DAB2IP: variants seen among roughly 807,000 people sequenced by gnomAD.
DAB2IP encodes the protein DAB2 interacting protein.
A neutral mutation model predicts 107.2 loss-of-function variants in DAB2IP; 28 were observed. That is an observed-to-expected ratio of 0.26 (90% CI 0.19 to 0.36). The LOEUF is 0.36. Among genes scored for constraint, DAB2IP ranks in the 10% least tolerant of loss-of-function variants. DAB2IP has a pLI of 1.00. For synonymous variants in DAB2IP, 755 were observed against 706.4 expected (o/e 1.07, Z -1.09); for missense variants, 1,400 against 1,644.7 (o/e 0.85, Z 2.57).
chr9:121,658,169 C>T (rs1012215831), intron 1 of DAB2IP, among the ~76,000 whole-genome samples: 1 of 152,140 alleles, frequency 6.6e-6, no homozygotes, highest in African/African-American at 2.4e-5. Flanking sequence ...AGGCTGCATA[C>T]GTGTTTTGCT....
At chr9:121,780,570 G>A (rs1043700749) in intron 14 of DAB2IP, among the ~76,000 whole-genome samples, 1 of 152,186 alleles carries the variant, frequency 6.6e-6, no homozygotes, top group Admixed American at 6.5e-5. Context: ...GTGGAGCAAG[G>A]AGAAGGGAGG....
chr9:121,754,665 C>T (rs1396861021), intron 3 of DAB2IP, among the ~76,000 whole-genome samples: 1 of 152,158 alleles, frequency 6.6e-6, no homozygotes, highest in African/African-American at 2.4e-5. Flanking sequence ...GCTTGTGGGA[C>T]ATGGTGGGGA....
chr9:121,606,539 A>G (rs1830878542), intron 1 of DAB2IP, among the ~76,000 whole-genome samples: 1 of 152,188 alleles, frequency 6.6e-6, no homozygotes, highest in Non-Finnish European at 1.5e-5. Context: ...GATGCAGCTC[A>G]GGACTTCCCT....
At position 121,672,356 on chromosome 9, in the gene DAB2IP, C is replaced by T. The variant is rs1381022655; in HGVS notation, c.125-6322C>T. Among the ~76,000 whole-genome samples, 5 of 152,192 alleles carry T rather than the reference C, an allele frequency of 3.3e-5. No individual in the cohort carries two copies. In the East Asian group the frequency reaches 9.6e-4, roughly 29 times the overall value. On this transcript the variant is annotated intron_variant, in intron 1 of 15. Coordinates refer to ENST00000408936, the Ensembl canonical transcript of DAB2IP. ...TTAAGATCTGGGCGATGCAACCCGA[C>T]AACTGAAATTTGGTGTCTTGTCTGA...
chr9:121,779,698 A>G (rs1835454721), intron 14 of DAB2IP, among the ~76,000 whole-genome samples: 1 of 152,124 alleles, frequency 6.6e-6, no homozygotes, highest in Admixed American at 6.5e-5. Context: ...CACTGGTACA[A>G]CATGAACTGC....
chr9:121,580,119 C>G (rs759512860), intron 1 of DAB2IP, among the ~76,000 whole-genome samples: 4 of 152,172 alleles, frequency 2.6e-5, no homozygotes, highest in Non-Finnish European at 4.4e-5. Flanking sequence ...CCAGGTGACT[C>G]TAAGGGGCAG....
At position 121,662,441 on chromosome 9, in the gene DAB2IP, T is replaced by G. The variant is rs1169892040; in HGVS notation, c.124+10542T>G. Among the ~76,000 whole-genome samples, 3 of 152,230 alleles carry G rather than the reference T, an allele frequency of 2.0e-5. No homozygotes were observed. Among genetic ancestry groups the G allele is most frequent in the Non-Finnish European group, 2.9e-5 (2 of 68,040 alleles). On this transcript the variant is annotated intron_variant, in intron 1 of 15. Transcript: ENST00000408936. The surrounding 1 kb of genome is among the most constrained non-coding windows in gnomAD (Gnocchi z 4.6). ...AGAAGAAGGAGAACATAGGGAGTTATATGAAATTCAAATTTCAATGCCCAT... is the reference window on the plus strand; with the variant it reads ...AGAAGAAGGAGAACATAGGGAGTTAGATGAAATTCAAATTTCAATGCCCAT...
intron 1 of DAB2IP, among the ~76,000 whole-genome samples, chr9:121,571,504 T>C (rs527378943): frequency 6.6e-6 from 1 of 152,118 alleles, no homozygotes; most frequent in East Asian, 1.9e-4. Context: ...GTTGGCAAGC[T>C]GAGCTCCTTT....
At chr9:121,784,407 G>GC (rs528395593) in exon 16 of DAB2IP, 153 of 153,046 alleles carry the variant, frequency 1.0e-3, no homozygotes, top group South Asian at 6.0e-3. Flanking sequence ...CTCGGACAGA[G>GC]CCCCCCTAGC....
exon 9 of DAB2IP, chr9:121,766,679 G>GCACCCT: frequency 6.2e-7 from 1 of 1,614,052 alleles, no homozygotes. Context: ...CGCACTGCCC[G>GCACCCT]CACCCTCACC....
At chr9:121,720,344 G>A (rs1830852069) in intron 3 of DAB2IP, among the ~76,000 whole-genome samples, 1 of 152,202 alleles carries the variant, frequency 6.6e-6, no homozygotes, top group African/African-American at 2.4e-5. Context: ...CCCAGTAAAT[G>A]TTTGTACCAT....
chr9:121,720,195 C>T (rs368196942), intron 3 of DAB2IP, among the ~76,000 whole-genome samples: 4 of 152,302 alleles, frequency 2.6e-5, no homozygotes, highest in Non-Finnish European at 5.9e-5. Flanking sequence ...TGTAGCATTT[C>T]GGTCCTTACT....
chr9:121,570,895 C>T (rs1399838261), intron 1 of DAB2IP, among the ~76,000 whole-genome samples: 1 of 152,052 alleles, frequency 6.6e-6, no homozygotes, highest in Non-Finnish European at 1.5e-5. Flanking sequence ...TTATCTCTGG[C>T]TGGCCCCTTC....
intron 3 of DAB2IP, among the ~76,000 whole-genome samples, chr9:121,725,115 T>C (rs1831158413): frequency 6.6e-6 from 1 of 152,168 alleles, no homozygotes; most frequent in Admixed American, 6.5e-5. Flanking sequence ...AGCTCAGGCC[T>C]GGCCCGGCTT....
chr9:121,703,038 C>T (rs973810341), intron 3 of DAB2IP, among the ~76,000 whole-genome samples: 4 of 152,118 alleles, frequency 2.6e-5, no homozygotes, highest in Non-Finnish European at 5.9e-5. Context: ...ATCGATTCCC[C>T]CTTCCAGAGT....
chr9:121,722,124 C>T (rs145244558), intron 3 of DAB2IP, among the ~76,000 whole-genome samples: 37 of 152,328 alleles, frequency 2.4e-4, no homozygotes, highest in East Asian at 9.6e-4. Context: ...CCAGGACACA[C>T]GATCCTCATC....
At chr9:121,744,808 G>A (rs1053859181) in intron 3 of DAB2IP, among the ~76,000 whole-genome samples, 5 of 152,192 alleles carry the variant, frequency 3.3e-5, no homozygotes, top group African/African-American at 9.7e-5. Context: ...GTGCATAGGC[G>A]CAAACCCTGG....
At position 121,629,517 on chromosome 9, in the gene DAB2IP, ACAGT is replaced by A. The variant is rs1481715115; in HGVS notation, c.41-49157_41-49154del. 4.6e-5 allele frequency among the ~76,000 whole-genome samples: 7 copies of A among 152,108 alleles called. 1 individual carries two copies. In the South Asian group the frequency reaches 8.3e-4, roughly 18 times the overall value. Reference sequence around the variant, plus strand: ...GGCTGGCCGGGCAGGCGCCGGGCAGACAGTCAGAGCCCACTCCAGTCCTCCTCAT... The same window carrying A: ...GGCTGGCCGGGCAGGCGCCGGGCAGACAGAGCCCACTCCAGTCCTCCTCAT... On this transcript the variant is annotated intron_variant, in intron 1 of 16. Transcript: ENST00000259371.
chr9:121,775,231 C>T (rs1337047306), intron 13 of DAB2IP, among the ~76,000 whole-genome samples: 1 of 152,192 alleles, frequency 6.6e-6, no homozygotes, highest in African/African-American at 2.4e-5. Flanking sequence ...CCCGCTGGGC[C>T]CCAGGAAAGC....
Sources: allele counts gnomAD v4.1 joint callset (sites outside exome capture counted in the v4.1 genomes callset), GRCh38; gene constraint gnomAD v4.1.1; non-coding constraint Gnocchi (gnomAD v3.1); transcripts MANE v1.5; gene names NCBI Gene and HGNC (gene_info 2026-07-23, HGNC 2026-07-21).